The following TMEM150C variants were observed in gnomAD, a reference collection of about 807,000 sequenced individuals.
The protein encoded by TMEM150C is tentonin 3.
Under a neutral mutation model 29.9 loss-of-function variants are expected in TMEM150C, and 10 were observed. The ratio of observed to expected loss-of-function variants is 0.33; its 90% CI spans 0.21 to 0.57. TMEM150C has a LOEUF of 0.57. Among genes scored for constraint, TMEM150C ranks in the 20% least tolerant of loss-of-function variants. The probability of loss-of-function intolerance (pLI) is 0.88; values close to 1 mark genes in which losing one functional copy is unlikely to be tolerated. For synonymous variants in TMEM150C, 101 were observed against 112.5 expected (o/e 0.90, Z 0.64); for missense variants, 251 against 303.6 (o/e 0.83, Z 1.29).
In TMEM150C at chr4:82,483,672, A is replaced by G. The variant is rs1200298660; in HGVS notation, c.*1839T>C. 6.6e-6 allele frequency: 1 copy of G among 152,182 alleles called. No homozygotes were observed. The highest frequency in any genetic ancestry group is 1.5e-5 in the Non-Finnish European group (1 of 68,038). 9.4% of individuals were successfully genotyped at this position (152,182 alleles called of 1,614,324 possible). A position where few individuals can be genotyped will look rare whatever the true frequency, so the allele number is the denominator to read the frequency against. On this transcript the variant is annotated 3_prime_UTR_variant, in exon 8 of 8. Transcript: ENST00000449862. ...AATTCTATTCAACAGACATTTATTG[A>G]GCACCTAGTATGTGCCAGGCACTGT...
At position 82,507,719 on chromosome 4, in the gene TMEM150C, CTCTCTCTCTTTTTTTTTTTTTTT is replaced by C. The variant is rs1723972523; in HGVS notation, c.-10-3075_-10-3053del. On this transcript the variant is annotated intron_variant, in intron 1 of 7. Coordinates refer to ENST00000449862, the MANE Select transcript of TMEM150C (RefSeq NM_001080506.3). ...ACAATATATTAAATTAACTCTCTCT[CTCTCTCTCTTTTTTTTTTTTTTT>C]TTTTTTTTTTTTTTTTTTTTTTTTG... is the stretch of plus-strand genomic sequence containing the variant. Among the ~76,000 whole-genome samples the C allele has an allele frequency of 4.4e-5, 3 of 68,282 alleles. No individual in the cohort carries two copies. In the Admixed American group the frequency reaches 5.3e-4, roughly 12 times the overall value. The allele number at this position is 68,282 out of a possible 152,430, so 44.8% of individuals were successfully genotyped here.
chr4:82,524,015 T>G (rs1164729468), intron 1 of TMEM150C, among the ~76,000 whole-genome samples: 1 of 151,074 alleles, frequency 6.6e-6, no homozygotes, highest in Non-Finnish European at 1.5e-5. Flanking sequence ...CACAACAACT[T>G]TGGGAGGCCA....
rs927074012 is a variant in TMEM150C at position 82,545,206 on chromosome 4, A to C, written c.-11+16700T>G. ...CAAAAAGTTAATTCCCCGTGATCGC[A>C]TAGGCTTCACTTCTGGGATGCAAGG... On this transcript the variant is annotated intron_variant, in intron 1 of 7. Coordinates refer to ENST00000449862, the MANE Select transcript of TMEM150C (RefSeq NM_001080506.3). Among the ~76,000 whole-genome samples the C allele has an allele frequency of 4.1e-4, 62 of 152,254 alleles. 1 individual carries two copies. The highest frequency in any genetic ancestry group is 1.8e-4 in the Non-Finnish European group (12 of 68,040).
rs1260195854 is a variant in TMEM150C at position 82,496,141 on chromosome 4, G to A, written c.290C>T (p.Pro97Leu). ...FIQLKPKVLN[P>L]WLNISGLVAL... Reference sequence around the variant, plus strand: ...CACCAATCCACTAATATTCAGCCACGGGTTTAAAACCTTCGGTTTCAGTTG... The same window carrying A: ...CACCAATCCACTAATATTCAGCCACAGGTTTAAAACCTTCGGTTTCAGTTG... Residue 97 changes from proline (P) to leucine (L), a missense_variant, in exon 6 of 8, where the codon CCG becomes CTG. Transcript: ENST00000449862. The A allele has an allele frequency of 7.4e-6, 12 of 1,613,798 alleles. No homozygotes were observed. In the African/African-American group the frequency reaches 8.0e-5, roughly 11 times the overall value.
intron 1 of TMEM150C, among the ~76,000 whole-genome samples, chr4:82,514,646 A>C (rs1340688601): frequency 1.3e-5 from 2 of 151,820 alleles, no homozygotes; most frequent in Admixed American, 6.6e-5. Flanking sequence ...CTCTTCTTCC[A>C]CTGTGTCAGA....
At chr4:82,501,400 G>A (rs769679519) in intron 5 of TMEM150C, among the ~76,000 whole-genome samples, 6 of 151,954 alleles carry the variant, frequency 3.9e-5, no homozygotes, top group South Asian at 2.1e-4. Flanking sequence ...TTAAAGACTC[G>A]GCAACCCCAG....
intron 6 of TMEM150C, 120 bp downstream of exon 6, chr4:82,495,948 A>T: frequency 7.5e-7 from 1 of 1,336,462 alleles, no homozygotes; most frequent in East Asian, 2.3e-5. Context: ...TAGTTTTTAA[A>T]AAAAGGTTTG....
At position 82,485,288 on chromosome 4, in the gene TMEM150C, G is replaced by A; in HGVS notation, c.*223C>T. 3.7e-6 allele frequency: 2 copies of A among 534,798 alleles called. No individual in the cohort carries two copies. Among genetic ancestry groups the A allele is most frequent in the Non-Finnish European group, 6.8e-6 (2 of 295,822 alleles). 33.1% of individuals were successfully genotyped at this position (534,798 alleles called of 1,614,324 possible). A position where few individuals can be genotyped will look rare whatever the true frequency, so the allele number is the denominator to read the frequency against. ...ATGCACAAGCTTCTTGCTCTGTCGTGCATATATTTTCAGTGTAACAGCGTG... is the reference window on the plus strand; with the variant it reads ...ATGCACAAGCTTCTTGCTCTGTCGTACATATATTTTCAGTGTAACAGCGTG... On this transcript the variant is annotated 3_prime_UTR_variant, in exon 8 of 8. Coordinates refer to ENST00000449862, the MANE Select transcript of TMEM150C (RefSeq NM_001080506.3).
At chr4:82,497,052 CTG>C (rs1723580819) in intron 5 of TMEM150C, among the ~76,000 whole-genome samples, 1 of 152,128 alleles carries the variant, frequency 6.6e-6, no homozygotes, top group South Asian at 2.1e-4. Context: ...AAATTGGTAT[CTG>C]AGAATTTGAA....
At chr4:82,520,950 C>A (rs1334881971) in intron 1 of TMEM150C, among the ~76,000 whole-genome samples, 1 of 152,168 alleles carries the variant, frequency 6.6e-6, no homozygotes, top group East Asian at 1.9e-4. Context: ...TCCTCTCTGA[C>A]TTTACGCACT....
intron 5 of TMEM150C, among the ~76,000 whole-genome samples, chr4:82,498,678 C>G (rs1319351678): frequency 6.6e-6 from 1 of 152,118 alleles, no homozygotes; most frequent in East Asian, 1.9e-4. Context: ...TGGAACTTGA[C>G]CTAAGCCCTA....
chr4:82,557,034 C>T (rs893869059), intron 1 of TMEM150C, among the ~76,000 whole-genome samples: 7 of 152,170 alleles, frequency 4.6e-5, no homozygotes, highest in Non-Finnish European at 8.8e-5. Flanking sequence ...ACCCTAGATG[C>T]CTATGCTGGG....
rs1316640748 is a variant in TMEM150C at position 82,485,702 on chromosome 4, G to A, written c.559C>T (p.Gln187Ter). 6.2e-7 allele frequency: 1 copy of A among 1,606,932 alleles called. No homozygotes were observed. Among genetic ancestry groups the A allele is most frequent in the Non-Finnish European group, 8.5e-7 (1 of 1,176,988 alleles). The change falls in exon 8 of 8, where the codon CAA becomes TAA. Residue 187 changes from glutamine (Q) to a stop codon, truncating the protein, a stop_gained. Coordinates refer to ENST00000449862, the MANE Select transcript of TMEM150C (RefSeq NM_001080506.3). LOFTEE classifies it high-confidence loss of function. ...CVVLYFILMAQSIHMYAARVQ... is the reference protein window; with the variant it reads ...CVVLYFILMA The stretch of plus-strand genomic sequence containing the variant: ...CTGGCTGCATACATGTGGATGCTTT[G>A]GGCCATGAGGATGAAGTCTGGGGAG...
rs758454911 is a variant in TMEM150C, at chr4:82,504,618, G to A, written c.40C>T (p.Leu14Phe). The change falls in exon 2 of 8, where the codon CTT becomes TTT. Residue 14 changes from leucine to phenylalanine, a missense_variant. Coordinates refer to ENST00000449862, the MANE Select transcript of TMEM150C (RefSeq NM_001080506.3). ...KKCSVWMFLP[L>F]VFTLFTSAGL... ...GCTGAAGTAAACAAAGTAAATACAA[G>A]AGGTAGGAACATCCATACGCTGCAT... 2 of 1,613,766 alleles carry A rather than the reference G, an allele frequency of 1.2e-6. No homozygotes were observed. Among genetic ancestry groups the A allele is most frequent in the South Asian group, 1.1e-5 (1 of 90,998 alleles).
chr4:82,504,455 C>T, intron 2 of TMEM150C, 123 bp downstream of exon 2: 1 of 628,882 alleles, frequency 1.6e-6, no homozygotes. Context: ...CCTGACTCGG[C>T]CTCCCAAAGT....
intron 1 of TMEM150C, among the ~76,000 whole-genome samples, chr4:82,507,443 C>T (rs1354983365): frequency 6.6e-6 from 1 of 152,104 alleles, no homozygotes; most frequent in African/African-American, 2.4e-5. Flanking sequence ...AATTTCCTGG[C>T]TCAAGGTACT....
In TMEM150C at chr4:82,485,489, C is replaced by T. The variant is rs757400773; in HGVS notation, c.*22G>A. On this transcript the variant is annotated 3_prime_UTR_variant, in exon 8 of 8. Transcript: ENST00000449862. The stretch of plus-strand genomic sequence containing the variant: ...CTCCCCCACTGTCACACCCACCTCA[C>T]CAGCAAGGAAAAACTGATGGTTTAC... The T allele has an allele frequency of 1.3e-6, 2 of 1,570,640 alleles. No individual in the cohort carries two copies.
intron 1 of TMEM150C, among the ~76,000 whole-genome samples, chr4:82,561,085 G>A (rs1725905937): frequency 6.6e-6 from 1 of 152,202 alleles, no homozygotes; most frequent in South Asian, 2.1e-4. Context: ...GTGGGGGTAG[G>A]GGTGGAGGAA....
chr4:82,523,925 G>A (rs1014972539), intron 1 of TMEM150C, among the ~76,000 whole-genome samples: 6 of 151,406 alleles, frequency 4.0e-5, no homozygotes, highest in Admixed American at 2.0e-4. Flanking sequence ...CAGGTGATCC[G>A]CCCACCTCCG....
Sources: allele counts gnomAD v4.1 joint callset (sites outside exome capture counted in the v4.1 genomes callset), GRCh38; gene constraint gnomAD v4.1.1; transcripts MANE v1.5; gene names NCBI Gene and HGNC (gene_info 2026-07-23, HGNC 2026-07-21).